RANBP2: variants seen among roughly 807,000 people sequenced by gnomAD.
RANBP2 encodes the protein RAN binding protein 2, also known as E3 SUMO-protein ligase RanBP2.
Under a neutral mutation model 303.6 loss-of-function variants are expected in RANBP2, and 57 were observed. The observed-to-expected ratio is 0.19, with a 90% CI of 0.15 to 0.23. The LOEUF is 0.23. RANBP2 is among the 10% of genes least tolerant of loss of function. The pLI is 1.00. For missense variants in RANBP2, 3,138 were observed against 3,780.8 expected (o/e 0.83, Z 4.46); for synonymous variants, 1,167 against 1,301.5 (o/e 0.90, Z 2.23).
the RANBP2 span, among the ~76,000 whole-genome samples, chr2:108,919,922 T>C: frequency 6.6e-6 from 1 of 152,214 alleles, no homozygotes; most frequent in South Asian, 2.1e-4. Context: ...TTAGCTATCT[T>C]GGTCTGGATG....
the RANBP2 span, among the ~76,000 whole-genome samples, chr2:109,235,746 CAA>C: frequency 6.6e-6 from 1 of 152,234 alleles, no homozygotes; most frequent in African/African-American, 2.4e-5. Context: ...GCTCTGATGA[CAA>C]CACTTGTTAG....
chr2:109,216,147 C>T, the RANBP2 span, among the ~76,000 whole-genome samples: 18 of 152,238 alleles, frequency 1.2e-4, no homozygotes, highest in Non-Finnish European at 2.2e-4. Flanking sequence ...AGCTCAGCAT[C>T]GGTGGGGAGT....
At chr2:109,528,973 C>G in the RANBP2 span, among the ~76,000 whole-genome samples, 1 of 152,192 alleles carries the variant, frequency 6.6e-6, no homozygotes, top group Admixed American at 6.5e-5. Flanking sequence ...CCTTAGCGCT[C>G]AGACCCATTC....
the RANBP2 span, among the ~76,000 whole-genome samples, chr2:109,632,010 AG>A: frequency 5.7e-4 from 86 of 152,088 alleles, no homozygotes; most frequent in Non-Finnish European, 9.3e-4. Context: ...TGAAGAGAGG[AG>A]GGGGGTCTGG....
chr2:109,425,352 A>T, the RANBP2 span, among the ~76,000 whole-genome samples: 1 of 152,076 alleles, frequency 6.6e-6, no homozygotes, highest in Non-Finnish European at 1.5e-5. Flanking sequence ...AAAATCACTG[A>T]TGAAGGTGGC....
chr2:109,062,509 A>C, the RANBP2 span, among the ~76,000 whole-genome samples: 1 of 152,034 alleles, frequency 6.6e-6, no homozygotes, highest in Non-Finnish European at 1.5e-5. Flanking sequence ...TTCCATGTGC[A>C]TGCACCTGAG....
downstream of RANBP2, chr2:108,786,810 G>C (rs754865305): frequency 1.3e-6 from 2 of 1,582,406 alleles, no homozygotes; most frequent in Admixed American, 1.8e-5. Context: ...GACTGGTACG[G>C]TTGCTGTGTG....
intron 4 of RANBP2, among the ~76,000 whole-genome samples, chr2:108,734,999 C>G (rs935451782): frequency 4.6e-5 from 7 of 152,118 alleles, no homozygotes; most frequent in African/African-American, 1.7e-4. Flanking sequence ...GGCCACAAAC[C>G]CTACTTCCTC....
At chr2:108,977,990 T>A in the RANBP2 span, among the ~76,000 whole-genome samples, 3 of 152,254 alleles carry the variant, frequency 2.0e-5, no homozygotes, top group African/African-American at 7.2e-5. Context: ...GAGCTTCTAT[T>A]CTCGTAGAGG....
chr2:109,046,808 G>A, the RANBP2 span, among the ~76,000 whole-genome samples: 1 of 152,036 alleles, frequency 6.6e-6, no homozygotes, highest in Non-Finnish European at 1.5e-5. Context: ...TGTTATGTCT[G>A]GACCACAGGA....
the RANBP2 span, among the ~76,000 whole-genome samples, chr2:109,197,740 C>T: frequency 6.6e-6 from 1 of 152,252 alleles, no homozygotes; most frequent in Non-Finnish European, 1.5e-5. Flanking sequence ...AAGGGTGGCC[C>T]TGGCCCCTAT....
the RANBP2 span, among the ~76,000 whole-genome samples, chr2:109,439,635 A>G: frequency 2.6e-5 from 4 of 152,152 alleles, no homozygotes; most frequent in Admixed American, 1.3e-4. Context: ...TCCTTTCCCA[A>G]AGGCAGAGCA....
the RANBP2 span, chr2:108,873,708 G>C: frequency 4.8e-6 from 3 of 619,660 alleles, no homozygotes; most frequent in Admixed American, 9.4e-5. Flanking sequence ...GAATTGCCTT[G>C]TGCCACACAT....
chr2:109,404,313 G>A, the RANBP2 span, among the ~76,000 whole-genome samples: 1 of 152,246 alleles, frequency 6.6e-6, no homozygotes, highest in East Asian at 1.9e-4. Context: ...CTGTGAAACC[G>A]AGGAGAGAGC....
chr2:108,980,741 G>A, the RANBP2 span, among the ~76,000 whole-genome samples: 1 of 152,068 alleles, frequency 6.6e-6, no homozygotes, highest in East Asian at 1.9e-4. Context: ...TTGGGCAGAG[G>A]GAACAAATGC....
the RANBP2 span, chr2:108,794,517 T>A: frequency 6.3e-7 from 1 of 1,579,248 alleles, no homozygotes; most frequent in South Asian, 1.2e-5. Flanking sequence ...AAGTTTATAA[T>A]GCAAATGTTA....
At chr2:109,690,889 G>A in the RANBP2 span, among the ~76,000 whole-genome samples, 4 of 152,080 alleles carry the variant, frequency 2.6e-5, no homozygotes, top group Admixed American at 2.0e-4. Context: ...GGGAGTTCTG[G>A]ACATTGACCT....
At chr2:109,560,121 C>T in the RANBP2 span, among the ~76,000 whole-genome samples, 2 of 152,026 alleles carry the variant, frequency 1.3e-5, no homozygotes, top group Non-Finnish European at 2.9e-5. Flanking sequence ...GGGGTTTCAC[C>T]GTGTTAGCCA....
chr2:108,969,967 A>C, the RANBP2 span, among the ~76,000 whole-genome samples: 71 of 152,342 alleles, frequency 4.7e-4, no homozygotes, highest in African/African-American at 1.6e-3. Flanking sequence ...ACACAGTTAA[A>C]AGTGGGGAAA....
Sources: allele counts gnomAD v4.1 joint callset (sites outside exome capture counted in the v4.1 genomes callset), GRCh38; gene constraint gnomAD v4.1.1; transcripts MANE v1.5; gene names NCBI Gene and HGNC (gene_info 2026-07-23, HGNC 2026-07-21).